GNPTAB: variants seen among roughly 807,000 people sequenced by gnomAD.
The protein encoded by GNPTAB is N-acetylglucosamine-1-phosphate transferase subunits alpha and beta, also known as N-acetylglucosamine-1-phosphotransferase subunits alpha/beta.
GNPTAB carries 92 observed loss-of-function variants against 136.6 expected under a neutral mutation model. That is an observed-to-expected ratio of 0.67 (90% CI 0.57 to 0.80). The LOEUF is 0.80. GNPTAB is among the 30% of genes least tolerant of loss of function. The pLI is 0.00. For missense variants in GNPTAB, 1,343 were observed against 1,501.8 expected (o/e 0.89, Z 1.75); for synonymous variants, 512 against 535.1 (o/e 0.96, Z 0.60).
At chr12:101,811,087 TGA>T (rs773381772) in intron 1 of GNPTAB, among the ~76,000 whole-genome samples, 1 of 152,194 alleles carries the variant, frequency 6.6e-6, no homozygotes, top group Non-Finnish European at 1.5e-5. Context: ...CCCTGGAGGA[TGA>T]GAGACCCGTG....
In GNPTAB at chr12:101,765,123, G is replaced by A. The variant is rs1318081018; in HGVS notation, c.1794C>T (p.Ile598=). 1 of 1,614,122 alleles carries A rather than the reference G, an allele frequency of 6.2e-7. No homozygotes were observed. The highest frequency in any genetic ancestry group is 2.2e-5 in the East Asian group (1 of 44,890). ...HASIANKWKT[I]HLIMHSGMNA... is the part of the protein sequence containing the mutation. ...TCATTCCACTGTGCATTATGAGGTG[G>A]ATGGTTTTCCACTTGTTGGCAATAG... Residue 598 remains isoleucine (I), a synonymous_variant, in exon 13 of 21, where the codon ATC becomes ATT. Transcript: ENST00000299314.
At position 101,745,499 on chromosome 12, in the gene GNPTAB, T is replaced by C. The variant is rs1952719774; in HGVS notation, c.*1665A>G. 6.6e-6 allele frequency: 1 copy of C among 152,216 alleles called. No individual in the cohort carries two copies. 9.4% of individuals were successfully genotyped at this position (152,216 alleles called of 1,614,324 possible). On this transcript the variant is annotated 3_prime_UTR_variant, in exon 21 of 21. Coordinates refer to ENST00000299314, the MANE Select transcript of GNPTAB (RefSeq NM_024312.5). ...CCTCAAAGATTTAAAAATCAAAGTG[T>C]CAGACAAAAATTTAACTTTTTATGA...
intron 4 of GNPTAB, among the ~76,000 whole-genome samples, chr12:101,786,486 A>G (rs143456737): frequency 1.8e-3 from 269 of 152,326 alleles, no homozygotes; most frequent in African/African-American, 6.1e-3. Flanking sequence ...ATGCACATGA[A>G]ATTAAGCACT....
At chr12:101,803,192 G>GA (rs1394444938) in intron 1 of GNPTAB, among the ~76,000 whole-genome samples, 1 of 152,082 alleles carries the variant, frequency 6.6e-6, no homozygotes, top group African/African-American at 2.4e-5. Flanking sequence ...TCCAACAAGG[G>GA]AAAAAGAAAA....
At chr12:101,764,129 G>A (rs1281603140) in intron 13 of GNPTAB, 73 bp downstream of exon 13, 1 of 1,595,014 alleles carries the variant, frequency 6.3e-7, no homozygotes, top group Non-Finnish European at 8.6e-7. Context: ...ATAAATGGTA[G>A]CTATAATGAT....
chr12:101,795,748 C>T (rs1869244504), intron 2 of GNPTAB: 1 of 150,162 alleles, frequency 6.7e-6, no homozygotes. Context: ...GCAACTCTGT[C>T]TCCAAAAAAA....
intron 18 of GNPTAB, among the ~76,000 whole-genome samples, chr12:101,754,658 C>A (rs1363795504): frequency 6.6e-6 from 1 of 151,736 alleles, no homozygotes; most frequent in African/African-American, 2.4e-5. Context: ...AAGTTCCTTT[C>A]AAGGCAAAGG....
intron 5 of GNPTAB, 70 bp downstream of exon 5, chr12:101,785,942 C>T: frequency 8.9e-7 from 1 of 1,119,200 alleles, no homozygotes; most frequent in Non-Finnish European, 1.3e-6. Context: ...CATTTCTATT[C>T]CACTCAGAAT....
At position 101,747,229 on chromosome 12, in the gene GNPTAB, T is replaced by G; in HGVS notation, c.3706A>C (p.Lys1236Gln). The change falls in exon 21 of 21, where the codon AAG (lysine) becomes CAG (glutamine). Residue 1236 changes from lysine to glutamine, a missense_variant. Physicochemically the swap from Lys to Gln is moderately conservative, Grantham distance 53. Coordinates refer to ENST00000299314, the MANE Select transcript of GNPTAB (RefSeq NM_024312.5). ...SFFAEQLIAL[K>Q]RKIFPRRRIH... ...CTCCTTCTGGGAAATATCTTCCGCT[T>G]AAGTGCAATTAACTAAATGATGAAA... The G allele has an allele frequency of 6.4e-7, 1 of 1,568,500 alleles. No individual in the cohort carries two copies. Among genetic ancestry groups the G allele is most frequent in the Non-Finnish European group, 8.8e-7 (1 of 1,138,428 alleles).
intron 2 of GNPTAB, among the ~76,000 whole-genome samples, chr12:101,791,313 T>C (rs994238414): frequency 2.0e-5 from 3 of 152,170 alleles, no homozygotes; most frequent in Non-Finnish European, 4.4e-5. Context: ...CTTTGACTTA[T>C]GACACAGGAG....
At chr12:101,788,091 T>C (rs185283175) in intron 4 of GNPTAB, among the ~76,000 whole-genome samples, 37 of 152,314 alleles carry the variant, frequency 2.4e-4, no homozygotes, top group African/African-American at 8.4e-4. Flanking sequence ...CAAGTCGAGA[T>C]AGGTGTATTT....
intron 1 of GNPTAB, among the ~76,000 whole-genome samples, chr12:101,811,245 T>C (rs527838578): frequency 6.6e-6 from 1 of 152,328 alleles, no homozygotes; most frequent in African/African-American, 2.4e-5. Flanking sequence ...GCAGGCCATA[T>C]AGTTTCTGTC....
rs751794568 is a variant in GNPTAB at position 101,764,984 on chromosome 12, C to A, written c.1933G>T (p.Ala645Ser). ...TREGPKLNST[A>S]QKGYENLVSP... ...ACTAAATTTTCGTAACCCTTCTGGG[C>A]TGTAGAATTCAGTTTTGGTCCCTCC... Residue 645 changes from alanine (A) to serine (S), a missense_variant, in exon 13 of 21, where the codon GCC becomes TCC. Ala to Ser is a moderately conservative substitution (Grantham distance 99). Coordinates refer to ENST00000299314, the MANE Select transcript of GNPTAB (RefSeq NM_024312.5). The A allele has an allele frequency of 6.2e-7, 1 of 1,614,046 alleles. No homozygotes were observed.
intron 1 of GNPTAB, among the ~76,000 whole-genome samples, chr12:101,825,495 T>C (rs1381829548): frequency 2.0e-5 from 3 of 152,210 alleles, no homozygotes; most frequent in African/African-American, 7.2e-5. Context: ...ATCAATCCAT[T>C]CATTCATGCA....
At chr12:101,751,891 G>A (rs1243418727) in intron 19 of GNPTAB, among the ~76,000 whole-genome samples, 2 of 152,150 alleles carry the variant, frequency 1.3e-5, no homozygotes, top group African/African-American at 4.8e-5. Context: ...CAGGAGCTGA[G>A]ATGCCTTATG....
Position 101,761,650 on chromosome 12 carries a change from A to G in GNPTAB, c.2829T>C (p.Asn943=), listed in dbSNP as rs756617125. Residue 943 remains asparagine, a synonymous_variant, in exon 14 of 21, where the codon AAT becomes AAC. Transcript: ENST00000299314. ...TCCGCGATGTGAATCCAAACTTGCT[A>G]TTTAGAATTTTATTTACATATCTGA... ...DSLRYVNKIL[N]SKFGFTSRKV... is the part of the protein sequence containing the mutation. 8.1e-6 allele frequency: 13 copies of G among 1,614,016 alleles called. No homozygotes were observed. The highest frequency in any genetic ancestry group is 1.1e-5 in the Non-Finnish European group (13 of 1,179,976).
Position 101,761,659 on chromosome 12 carries a change from T to C in GNPTAB, c.2820A>G (p.Lys940=). Residue 940 remains lysine, a synonymous_variant, in exon 14 of 21, where the codon AAA becomes AAG. Transcript: ENST00000299314. Reference sequence around the variant, plus strand: ...TGAATCCAAACTTGCTATTTAGAATTTTATTTACATATCTGAGGGAATCTG... The same window carrying C: ...TGAATCCAAACTTGCTATTTAGAATCTTATTTACATATCTGAGGGAATCTG... ...TFADSLRYVN[K]ILNSKFGFTS... 6.2e-7 allele frequency: 1 copy of C among 1,614,128 alleles called. No individual in the cohort carries two copies. The highest frequency in any genetic ancestry group is 8.5e-7 in the Non-Finnish European group (1 of 1,179,956).
At position 101,764,656 on chromosome 12, in the gene GNPTAB, A is replaced by G. The variant is rs755261594; in HGVS notation, c.2261T>C (p.Ile754Thr). Reference sequence around the variant, plus strand: ...CAAACTGTCATTTGTTTCATCTGTTATTATAGCTTGATTTTTTATTTTAGC... The same window carrying G: ...CAAACTGTCATTTGTTTCATCTGTTGTTATAGCTTGATTTTTTATTTTAGC... Reference protein sequence around the residue: ...QHAKIKNQAIITDETNDSLVA... With the variant: ...QHAKIKNQAITTDETNDSLVA... Residue 754 changes from isoleucine (I) to threonine (T), a missense_variant, in exon 13 of 21, where the codon ATA becomes ACA. By Grantham distance (89) the Ile-to-Thr change is moderately conservative. Coordinates refer to ENST00000299314, the MANE Select transcript of GNPTAB (RefSeq NM_024312.5). The G allele has an allele frequency of 6.2e-7, 1 of 1,612,900 alleles. No individual in the cohort carries two copies. Among genetic ancestry groups the G allele is most frequent in the Non-Finnish European group, 8.5e-7 (1 of 1,179,792 alleles).
chr12:101,769,441 C>T (rs898595353), intron 10 of GNPTAB, among the ~76,000 whole-genome samples: 5 of 152,072 alleles, frequency 3.3e-5, no homozygotes, highest in Non-Finnish European at 7.4e-5. Flanking sequence ...TTTCTGCTAT[C>T]GTAGTAGAAA....
Sources: gnomAD v4.1 joint callset for allele counts (sites outside exome capture counted in the v4.1 genomes callset) on GRCh38, gnomAD v4.1.1 for gene constraint, MANE v1.5 for transcripts, NCBI Gene and HGNC (gene_info 2026-07-23, HGNC 2026-07-21) for gene names.